TNN: variants seen among roughly 807,000 people sequenced by gnomAD.
TNN encodes tenascin N.
Under a neutral mutation model 134.4 loss-of-function variants are expected in TNN, and 122 were observed. That is an observed-to-expected ratio of 0.91 (90% CI 0.78 to 1.06). TNN has a LOEUF of 1.06. TNN is among the 50% of genes least tolerant of loss of function. The probability of loss-of-function intolerance (pLI) is 0.00; values close to 1 mark genes in which losing one functional copy is unlikely to be tolerated. For missense variants in TNN, 1,739 were observed against 1,699.4 expected (o/e 1.02, Z -0.41); for synonymous variants, 710 against 670.3 (o/e 1.06, Z -0.91).
chr1:175,109,957 T>C (rs1674979547), intron 9 of TNN, among the ~76,000 whole-genome samples: 1 of 152,146 alleles, frequency 6.6e-6, no homozygotes, highest in Non-Finnish European at 1.5e-5. Context: ...GCTGTACTAA[T>C]TGCCATTCCC....
At chr1:175,104,837 C>T (rs907407382) in intron 9 of TNN, among the ~76,000 whole-genome samples, 11 of 145,826 alleles carry the variant, frequency 7.5e-5, no homozygotes, top group African/African-American at 2.5e-4. Flanking sequence ...CTCTTGTAGC[C>T]GCTCGAGGAA....
At position 175,130,442 on chromosome 1, in the gene TNN, C is replaced by T. The variant is rs183359076; in HGVS notation, c.3330+1696C>T. ...GTAACATGGGAGGTCTTCCACCTGA[C>T]CAGACCCATAGGGCTGTACCTGCTG... On this transcript the variant is annotated intron_variant, in intron 15 of 18. Coordinates refer to ENST00000239462, the MANE Select transcript of TNN (RefSeq NM_022093.2). Among the ~76,000 whole-genome samples the T allele has an allele frequency of 4.0e-4, 61 of 152,316 alleles. 1 individual carries two copies. The highest frequency in any genetic ancestry group is 1.3e-4 in the Non-Finnish European group (9 of 68,022).
In TNN at chr1:175,097,544, G is replaced by T. The variant is rs764229838; in HGVS notation, c.1716G>T (p.Glu572Asp). ...GCTACACCTCTGCTGACGACCAAGA[G>T]ACCAGAGAGGTTCTGGTGGGGAAGG... is the stretch of plus-strand genomic sequence containing the variant. ...VVRYTSADDQ[E>D]TREVLVGKEQ... Residue 572 changes from glutamate to aspartate, a missense_variant, in exon 8 of 19, where the codon GAG becomes GAT. By Grantham distance (45) the Glu-to-Asp change is conservative (BLOSUM62 2). Coordinates refer to ENST00000239462, the MANE Select transcript of TNN (RefSeq NM_022093.2). The T allele has an allele frequency of 6.2e-7, 1 of 1,614,208 alleles. No individual in the cohort carries two copies. The highest frequency in any genetic ancestry group is 8.5e-7 in the Non-Finnish European group (1 of 1,180,036).
chr1:175,110,327 C>A (rs758646771), intron 9 of TNN, among the ~76,000 whole-genome samples: 32 of 152,224 alleles, frequency 2.1e-4, no homozygotes, highest in Non-Finnish European at 3.8e-4. Flanking sequence ...GTTGTCTCTG[C>A]ATTCTGTCGA....
chr1:175,091,593 T>G (rs1674448855), intron 6 of TNN, among the ~76,000 whole-genome samples: 1 of 150,510 alleles, frequency 6.6e-6, no homozygotes, highest in African/African-American at 2.4e-5. Flanking sequence ...ATTTATTTAT[T>G]TATTTATTTA....
chr1:175,128,513 A>T (rs1285778067), intron 14 of TNN, 82 bp from the exon 15 acceptor site: 2 of 1,440,320 alleles, frequency 1.4e-6, no homozygotes, highest in Admixed American at 2.5e-5. Flanking sequence ...CAAACAAAAT[A>T]AATTGCCTTA....
chr1:175,115,168 T>C (rs983177354), intron 9 of TNN, among the ~76,000 whole-genome samples: 5 of 152,102 alleles, frequency 3.3e-5, no homozygotes, highest in African/African-American at 7.2e-5. Flanking sequence ...AGCACAGCCC[T>C]AGGACGTGCA....
intron 6 of TNN, among the ~76,000 whole-genome samples, chr1:175,088,450 A>G (rs1021301052): frequency 6.6e-6 from 1 of 152,142 alleles, no homozygotes; most frequent in Non-Finnish European, 1.5e-5. Flanking sequence ...CTTCTTGCCC[A>G]TTATTTCTGG....
At chr1:175,135,001 C>T (rs892962665) in intron 15 of TNN, among the ~76,000 whole-genome samples, 1 of 152,162 alleles carries the variant, frequency 6.6e-6, no homozygotes, top group African/African-American at 2.4e-5. Flanking sequence ...CTGACTCTTG[C>T]CATCTTCTCA....
chr1:175,110,110 T>C lies in TNN; in HGVS notation c.2120-6829T>C, dbSNP rs111381426. 3.3e-3 allele frequency among the ~76,000 whole-genome samples: 510 copies of C among 152,338 alleles called. 4 individuals are homozygous for C. The highest frequency in any genetic ancestry group is 0.011 in the African/African-American group (437 of 41,576). On this transcript the variant is annotated intron_variant, in intron 9 of 18. Coordinates refer to ENST00000239462, the MANE Select transcript of TNN (RefSeq NM_022093.2). ...TTTGCATTTCCCTGATGATTAGTGATGTTGAACATTTTTTCGTAAATGTTT... is the reference window on the plus strand; with the variant it reads ...TTTGCATTTCCCTGATGATTAGTGACGTTGAACATTTTTTCGTAAATGTTT...
intron 18 of TNN, 21 bp from the exon 19 acceptor site, chr1:175,146,910 C>CTG: frequency 7.5e-7 from 1 of 1,340,040 alleles, no homozygotes; most frequent in Non-Finnish European, 9.8e-7. Flanking sequence ...CTTGATGTGG[C>CTG]TTTTTTTTTT....
At chr1:175,144,943 G>T (rs1676027681) in intron 18 of TNN, among the ~76,000 whole-genome samples, 1 of 152,116 alleles carries the variant, frequency 6.6e-6, no homozygotes, top group South Asian at 2.1e-4. Context: ...AGTTCTGGAG[G>T]CTGGGAAGTC....
rs896711074 is a variant in TNN, at chr1:175,147,074, G to T, written c.*3G>T. On this transcript the variant is annotated 3_prime_UTR_variant, in exon 19 of 19. Coordinates refer to ENST00000239462, the MANE Select transcript of TNN (RefSeq NM_022093.2). ...GAGGAAGGCTGCGAACGTTCTGATG[G>T]CCCGTGTGAGCAGTCCTCGCAGGAG... 2 of 1,567,938 alleles carry T rather than the reference G, an allele frequency of 1.3e-6. No homozygotes were observed. The highest frequency in any genetic ancestry group is 1.7e-4 in the Middle Eastern group (1 of 5,824).
chr1:175,132,789 G>A (rs1444669222), intron 15 of TNN, among the ~76,000 whole-genome samples: 1 of 152,192 alleles, frequency 6.6e-6, no homozygotes, highest in East Asian at 1.9e-4. Context: ...CATCCATGGT[G>A]CCCCACTCCT....
chr1:175,128,837 G>A, intron 15 of TNN, 91 bp downstream of exon 15: 2 of 1,353,938 alleles, frequency 1.5e-6, no homozygotes, highest in Non-Finnish European at 9.7e-7. Flanking sequence ...AGTGTTTGGA[G>A]CCCTATTTCT....
At chr1:175,079,090 A>G (rs897311139) in intron 2 of TNN, among the ~76,000 whole-genome samples, 25 of 152,192 alleles carry the variant, frequency 1.6e-4, no homozygotes, top group Non-Finnish European at 3.4e-4. Flanking sequence ...AGGCAGAGAA[A>G]GAAGGAGACG....
At chr1:175,145,573 A>AAAAAAAAAAAAAAAAAAAAC (rs1676044806) in intron 18 of TNN, among the ~76,000 whole-genome samples, 1 of 149,690 alleles carries the variant, frequency 6.7e-6, no homozygotes, top group Non-Finnish European at 1.5e-5. Context: ...AAAAAAAAAA[A>AAAAAAAAAAAAAAAAAAAAC]AAGCTGTCTC....
rs773907342 is a variant in TNN at position 175,094,281 on chromosome 1, G to A, written c.1588+28G>A. Reference sequence around the variant, plus strand: ...AACAGAAGGACGGGAGCATAAATAGGTTTCCTCATGGCAGGGAGAAGGTTG... The same window carrying A: ...AACAGAAGGACGGGAGCATAAATAGATTTCCTCATGGCAGGGAGAAGGTTG... On this transcript the variant is annotated intron_variant, in intron 7 of 18. Coordinates refer to ENST00000239462, the MANE Select transcript of TNN (RefSeq NM_022093.2). 4 of 1,521,288 alleles carry A rather than the reference G, an allele frequency of 2.6e-6. No individual in the cohort carries two copies. In the Admixed American group the frequency reaches 7.9e-5, roughly 30 times the overall value. 94.2% of individuals were successfully genotyped at this position (1,521,288 alleles called of 1,614,324 possible).
At chr1:175,112,399 T>C (rs987781267) in intron 9 of TNN, among the ~76,000 whole-genome samples, 2 of 152,078 alleles carry the variant, frequency 1.3e-5, no homozygotes, top group African/African-American at 2.4e-5. Context: ...TTTGCCTCTT[T>C]TTATACTTTT....
Sources: allele counts gnomAD v4.1 joint callset (sites outside exome capture counted in the v4.1 genomes callset), GRCh38; gene constraint gnomAD v4.1.1; transcripts MANE v1.5; gene names NCBI Gene and HGNC (gene_info 2026-07-23, HGNC 2026-07-21).